The following PPARG variants were observed in gnomAD, a reference collection of about 807,000 sequenced individuals.
The protein encoded by PPARG is peroxisome proliferator-activated receptor gamma.
A neutral mutation model predicts 39.2 loss-of-function variants in PPARG; 17 were observed. The ratio of observed to expected loss-of-function variants is 0.43; its 90% confidence interval spans 0.30 to 0.65. The LOEUF (loss-of-function observed/expected upper bound fraction) is 0.65, where lower values mean the gene tolerates loss of function less well. Among genes scored for constraint, PPARG ranks in the 30% least tolerant of loss-of-function variants. The probability of loss-of-function intolerance (pLI) is 0.13; values close to 1 mark genes in which losing one functional copy is unlikely to be tolerated. For synonymous variants in PPARG, 223 were observed against 215.7 expected, an observed-to-expected ratio of 1.03 and a Z score of -0.30; for missense variants, 406 against 585.9, an observed-to-expected ratio of 0.69 and a Z score of 3.17.
In PPARG at chr3:12,417,723, T is replaced by C. The variant is rs551228545; in HGVS notation, c.1180+569T>C. ...CCCTTAAAGTACCTTTGTGAGGTAG[T>C]TGGTTGTGATTAAGAATGCAATGTG... On this transcript the variant is annotated intron_variant, in intron 7 of 7. Transcript: ENST00000651735. Among the ~76,000 whole-genome samples, 8 of 152,254 alleles carry C rather than the reference T, an allele frequency of 5.3e-5. No homozygotes were observed. The South Asian group carries it at 1.7e-3, about 32-fold the overall frequency.
At chr3:12,398,243 A>C (rs1188451038) in intron 5 of PPARG, among the ~76,000 whole-genome samples, 1 of 152,224 alleles carries the variant, frequency 6.6e-6, no homozygotes, top group Non-Finnish European at 1.5e-5. Context: ...AGACCAATGC[A>C]ATATTAGGAA....
chr3:12,310,488 G>C (rs1248794433), intron 1 of PPARG, among the ~76,000 whole-genome samples: 1 of 54,830 alleles, frequency 1.8e-5, no homozygotes, highest in African/African-American at 6.5e-5. Context: ...TTTTGAGACA[G>C]AGTCTCGCTC....
chr3:12,332,489 T>C (rs2047889827), intron 2 of PPARG, among the ~76,000 whole-genome samples: 1 of 152,180 alleles, frequency 6.6e-6, no homozygotes, highest in Non-Finnish European at 1.5e-5. Context: ...GTTCTAAAGG[T>C]AGAAGAACAA....
intron 2 of PPARG, chr3:12,351,541 A>T: frequency 2.2e-6 from 3 of 1,366,898 alleles, no homozygotes; most frequent in Non-Finnish European, 2.1e-6. Context: ...CTTTTGCTAG[A>T]TAGAGACAAA....
intron 5 of PPARG, among the ~76,000 whole-genome samples, chr3:12,404,729 A>G (rs1289166308): frequency 6.6e-6 from 1 of 152,186 alleles, no homozygotes; most frequent in Non-Finnish European, 1.5e-5. Context: ...GCTTGAACCC[A>G]GGAGGTGGAG....
chr3:12,386,064 A>ATGGT (rs1490459640), intron 4 of PPARG, among the ~76,000 whole-genome samples: 2 of 152,198 alleles, frequency 1.3e-5, no homozygotes, highest in Non-Finnish European at 2.9e-5. Context: ...CTAACACACC[A>ATGGT]CATCACAGAC....
At chr3:12,410,147 G>A (rs1021819040) in intron 6 of PPARG, among the ~76,000 whole-genome samples, 14 of 152,140 alleles carry the variant, frequency 9.2e-5, no homozygotes, top group Admixed American at 9.2e-4. Context: ...CCTTTCAACC[G>A]CCCTCAATAG....
At chr3:12,303,079 C>T (rs2046969300) in intron 1 of PPARG, among the ~76,000 whole-genome samples, 1 of 152,126 alleles carries the variant, frequency 6.6e-6, no homozygotes, top group African/African-American at 2.4e-5. Flanking sequence ...CATGATTTTG[C>T]ATTTCATAGC....
intron 6 of PPARG, among the ~76,000 whole-genome samples, chr3:12,412,255 G>A (rs139876320): frequency 6.6e-6 from 1 of 151,784 alleles, no homozygotes; most frequent in Non-Finnish European, 1.5e-5. Flanking sequence ...GAACACTACT[G>A]TTCTATTTCT....
intron 1 of PPARG, among the ~76,000 whole-genome samples, chr3:12,293,254 T>G (rs957792818): frequency 6.6e-6 from 1 of 152,202 alleles, no homozygotes; most frequent in African/African-American, 2.4e-5. Flanking sequence ...TAAGTTCAGT[T>G]CAGTTGGATT....
rs199970439 is a variant in PPARG at position 12,351,695 on chromosome 3, G to A, written c.-8-28009G>A. 650 of 1,566,110 alleles carry A rather than the reference G, an allele frequency of 4.2e-4. 1 individual carries two copies. The highest frequency in any genetic ancestry group is 5.4e-4 in the Non-Finnish European group (612 of 1,136,306). On this transcript the variant is annotated intron_variant, in intron 2 of 7. Transcript: ENST00000651735. ...ACAAGGTAAAGTTCCTTCCAGATACGGCTATTGGGGACGTGGGGGCATTTA... is the reference window on the plus strand; with the variant it reads ...ACAAGGTAAAGTTCCTTCCAGATACAGCTATTGGGGACGTGGGGGCATTTA...
At chr3:12,370,192 T>C (rs2049159535) in intron 2 of PPARG, among the ~76,000 whole-genome samples, 1 of 152,220 alleles carries the variant, frequency 6.6e-6, no homozygotes, top group African/African-American at 2.4e-5. Context: ...AAATTTTTTT[T>C]TCTCTTGAAT....
intron 1 of PPARG, among the ~76,000 whole-genome samples, chr3:12,293,854 C>T (rs1331020872): frequency 5.9e-5 from 9 of 152,130 alleles, no homozygotes; most frequent in African/African-American, 2.2e-4. Context: ...GATGAAGTTC[C>T]GGAAGGAACT....
At chr3:12,315,461 C>G (rs576693770) in intron 2 of PPARG, among the ~76,000 whole-genome samples, 1 of 152,258 alleles carries the variant, frequency 6.6e-6, no homozygotes, top group South Asian at 2.1e-4. Flanking sequence ...TGTAGGAACT[C>G]CCTCCACTAT....
At chr3:12,340,432 C>CG (rs1373539115) in intron 2 of PPARG, among the ~76,000 whole-genome samples, 2 of 151,958 alleles carry the variant, frequency 1.3e-5, no homozygotes, top group African/African-American at 2.4e-5. Context: ...ATTTTTATTG[C>CG]GGGGGAGAGG....
At chr3:12,403,669 A>G (rs1390228667) in intron 5 of PPARG, among the ~76,000 whole-genome samples, 1 of 151,934 alleles carries the variant, frequency 6.6e-6, no homozygotes, top group African/African-American at 2.4e-5. Context: ...ATTATTTTTT[A>G]TTGGTTCTTT....
intron 2 of PPARG, among the ~76,000 whole-genome samples, chr3:12,371,184 A>T (rs2049197374): frequency 6.6e-6 from 1 of 152,166 alleles, no homozygotes; most frequent in African/African-American, 2.4e-5. Flanking sequence ...TCCTCACAAC[A>T]ACTCTAGGAG....
intron 7 of PPARG, among the ~76,000 whole-genome samples, chr3:12,423,449 C>G (rs781499604): frequency 1.3e-5 from 2 of 152,212 alleles, no homozygotes; most frequent in Non-Finnish European, 2.9e-5. Context: ...CCTTCAAACT[C>G]TTGAGACTGT....
chr3:12,412,475 A>G (rs1259452997), intron 6 of PPARG, among the ~76,000 whole-genome samples: 2 of 152,336 alleles, frequency 1.3e-5, no homozygotes, highest in African/African-American at 4.8e-5. Flanking sequence ...TCAAAATGTC[A>G]AAATATTGAA....
Sources: allele counts gnomAD v4.1 joint callset (sites outside exome capture counted in the v4.1 genomes callset), GRCh38; gene constraint gnomAD v4.1.1; transcripts MANE v1.5; gene names NCBI Gene and HGNC (gene_info 2026-07-23, HGNC 2026-07-21).